LDAF1: variants seen among roughly 807,000 people sequenced by gnomAD.
The protein encoded by LDAF1 is PROMETHIN.
LDAF1 carries 7 observed loss-of-function variants against 13.5 expected under a neutral mutation model. The observed-to-expected ratio is 0.52, with a 90% CI of 0.29 to 0.97. LDAF1 has a LOEUF of 0.97. Among genes scored for constraint, LDAF1 ranks in the 50% least tolerant of loss-of-function variants. LDAF1 has a pLI of 0.07. For synonymous variants in LDAF1, 69 were observed against 77.1 expected, an observed-to-expected ratio of 0.89 and a Z score of 0.55; for missense variants, 148 against 193.2, an observed-to-expected ratio of 0.77 and a Z score of 1.39.
intron 4 of LDAF1, among the ~76,000 whole-genome samples, chr16:21,179,158 T>C (rs539317635): frequency 6.6e-5 from 10 of 152,254 alleles, no homozygotes; most frequent in Non-Finnish European, 1.3e-4. Flanking sequence ...TTTTGTCCAT[T>C]GGTAAAATAG....
chr16:21,173,975 G>C, intron 3 of LDAF1, 35 bp from the exon 4 acceptor site: 1 of 1,600,794 alleles, frequency 6.2e-7, no homozygotes, highest in Non-Finnish European at 8.5e-7. Flanking sequence ...ACCTGTTTGA[G>C]ATGAACCCTT....
intron 3 of LDAF1, among the ~76,000 whole-genome samples, chr16:21,171,965 C>T (rs568527802): frequency 1.3e-5 from 2 of 151,774 alleles, no homozygotes; most frequent in South Asian, 2.1e-4. Flanking sequence ...CTTGAGCTCC[C>T]GACCTCAAGT....
intron 2 of LDAF1, 65 bp from the exon 3 acceptor site, chr16:21,170,372 C>T: frequency 6.3e-7 from 1 of 1,599,564 alleles, no homozygotes; most frequent in South Asian, 1.1e-5. Flanking sequence ...ACAGCTTGGG[C>T]AGATTCATTC....
At chr16:21,164,741 CCT>C (rs2093007978) in intron 2 of LDAF1, among the ~76,000 whole-genome samples, 1 of 152,200 alleles carries the variant, frequency 6.6e-6, no homozygotes, top group Non-Finnish European at 1.5e-5. Context: ...CCTGTGTCTA[CCT>C]CCAGGCTGGT....
rs572116681 is a variant in LDAF1, at chr16:21,160,518, A to G, written c.-98-567A>G. Among the ~76,000 whole-genome samples the G allele has an allele frequency of 5.3e-5, 8 of 152,264 alleles. No individual in the cohort carries two copies. The South Asian group carries it at 1.7e-3, about 32-fold the overall frequency. ...ATTGGGAGCCAACCTGTACAGTAAT[A>G]AAGAAGAGAAACAGGTCAAGGCTAC... On this transcript the variant is annotated intron_variant, in intron 1 of 4. Coordinates refer to ENST00000233047, the MANE Select transcript of LDAF1 (RefSeq NM_001301771.2).
At chr16:21,173,024 C>A (rs1400499650) in intron 3 of LDAF1, among the ~76,000 whole-genome samples, 1 of 152,112 alleles carries the variant, frequency 6.6e-6, no homozygotes, top group Non-Finnish European at 1.5e-5. Context: ...CCCCCACAGG[C>A]CCCACATTAT....
intron 2 of LDAF1, among the ~76,000 whole-genome samples, chr16:21,168,977 A>T (rs1251300801): frequency 4.5e-5 from 6 of 133,524 alleles, no homozygotes; most frequent in Non-Finnish European, 6.1e-5. Context: ...ATTATATTAT[A>T]TATAATTATA....
chr16:21,167,013 G>A (rs1294106107), intron 2 of LDAF1: 13 of 1,120,544 alleles, frequency 1.2e-5, no homozygotes, highest in Non-Finnish European at 3.9e-6. Flanking sequence ...TGAGGTCAGC[G>A]GGCATTATGC....
Position 21,174,046 on chromosome 16 carries a change from G to C in LDAF1, c.302G>C (p.Cys101Ser). The change falls in exon 4 of 5, where the codon TGC becomes TCC. Residue 101 changes from cysteine to serine, a missense_variant. By Grantham distance (112) the Cys-to-Ser change is moderately radical. Transcript: ENST00000233047. ...TCTGTGGGTGGCTTCTCACTGCTCT[G>C]CATCCTCTGTGGTTTGGGCTTCGTA... Reference protein sequence around the residue: ...VISVGGFSLLCILCGLGFVSL... With the variant: ...VISVGGFSLLSILCGLGFVSL... 1.2e-6 allele frequency: 2 copies of C among 1,614,000 alleles called. No individual in the cohort carries two copies. The highest frequency in any genetic ancestry group is 1.7e-5 in the Admixed American group (1 of 59,992).
At chr16:21,161,024 A>C in intron 1 of LDAF1, 61 bp from the exon 2 acceptor site, 12 of 1,398,994 alleles carry the variant, frequency 8.6e-6, no homozygotes, top group Non-Finnish European at 1.1e-5. Flanking sequence ...AGGATGGTAG[A>C]AGCTCTCGTC....
At chr16:21,169,013 TTATAA>T (rs2093060141) in intron 2 of LDAF1, 1 of 145,560 alleles carries the variant, frequency 6.9e-6, no homozygotes, top group Non-Finnish European at 1.5e-5. Context: ...TATATTATAA[TTATAA>T]TTATAATGCT....
intron 2 of LDAF1, among the ~76,000 whole-genome samples, chr16:21,169,901 T>A (rs1449980758): frequency 6.8e-6 from 1 of 147,920 alleles, no homozygotes; most frequent in African/African-American, 2.5e-5. Context: ...TTGGGAGAAG[T>A]CTTGTTGTAG....
chr16:21,170,987 G>C (rs2093082711), intron 3 of LDAF1, among the ~76,000 whole-genome samples: 1 of 152,148 alleles, frequency 6.6e-6, no homozygotes, highest in Non-Finnish European at 1.5e-5. Context: ...AATCTCAAAA[G>C]GTTGTTGTGA....
chr16:21,172,404 C>T (rs2093097899), intron 3 of LDAF1, among the ~76,000 whole-genome samples: 1 of 151,926 alleles, frequency 6.6e-6, no homozygotes, highest in African/African-American at 2.4e-5. Context: ...CAAGATTGCA[C>T]CATTGCATTC....
rs528008308 is a variant in LDAF1 at position 21,159,425 on chromosome 16, C to A, written c.-99+679C>A. The A allele has an allele frequency of 1.4e-5, 22 of 1,613,964 alleles. No individual in the cohort carries two copies. In the South Asian group the frequency reaches 2.2e-4, roughly 16 times the overall value. Reference sequence around the variant, plus strand: ...AGGGGCGGCCAGTGTGAGCTCGAGGCGCCCTGTAGCTCCCATCCCCCAACC... The same window carrying A: ...AGGGGCGGCCAGTGTGAGCTCGAGGAGCCCTGTAGCTCCCATCCCCCAACC... On this transcript the variant is annotated intron_variant, in intron 1 of 4. Coordinates refer to ENST00000233047, the MANE Select transcript of LDAF1 (RefSeq NM_001301771.2).
intron 3 of LDAF1, among the ~76,000 whole-genome samples, chr16:21,171,093 A>T (rs2093084109): frequency 6.6e-6 from 1 of 152,226 alleles, no homozygotes; most frequent in South Asian, 2.1e-4. Context: ...ATTATTAAGC[A>T]GAGAGGCCAT....
chr16:21,165,023 C>T (rs1411116802), intron 2 of LDAF1, among the ~76,000 whole-genome samples: 4 of 152,180 alleles, frequency 2.6e-5, no homozygotes, highest in Non-Finnish European at 5.9e-5. Context: ...GTGGTTGAAT[C>T]GTGTCCTCCC....
chr16:21,179,541 G>A lies in LDAF1; in HGVS notation c.471G>A (p.Gly157=), dbSNP rs2093165850. The change falls in exon 5 of 5, where the codon GGG becomes GGA. Residue 157 remains glycine, a synonymous_variant. Transcript: ENST00000233047. ...LPAMKSAEFE[G]LYQE Reference sequence around the variant, plus strand: ...CCATGAAGTCTGCAGAATTCGAGGGGCTTTACCAGGAATGAGTGACTGCTC... The same window carrying A: ...CCATGAAGTCTGCAGAATTCGAGGGACTTTACCAGGAATGAGTGACTGCTC... 6.2e-7 allele frequency: 1 copy of A among 1,614,080 alleles called. No individual in the cohort carries two copies. The highest frequency in any genetic ancestry group is 8.5e-7 in the Non-Finnish European group (1 of 1,179,960).
Position 21,175,881 on chromosome 16 carries a change from G to A in LDAF1, c.404+1733G>A, listed in dbSNP as rs1309251573. Among the ~76,000 whole-genome samples the A allele has an allele frequency of 2.6e-5, 4 of 152,034 alleles. No individual in the cohort carries two copies. The East Asian group carries it at 5.8e-4, about 22-fold the overall frequency. On this transcript the variant is annotated intron_variant, in intron 4 of 4. Coordinates refer to ENST00000233047, the MANE Select transcript of LDAF1 (RefSeq NM_001301771.2). ...AGTCATAATCACCTTTTCAAAAATC[G>A]CTTTGATCACTCTTAGTCTTTTGTT... is the stretch of plus-strand genomic sequence containing the variant.
Sources: gnomAD v4.1 joint callset for allele counts (sites outside exome capture counted in the v4.1 genomes callset) on GRCh38, gnomAD v4.1.1 for gene constraint, MANE v1.5 for transcripts, NCBI Gene and HGNC (gene_info 2026-07-23, HGNC 2026-07-21) for gene names.